The following PEX14 variants were observed in gnomAD, a reference collection of about 807,000 sequenced individuals.
PEX14 encodes peroxisomal biogenesis factor 14, also known as peroxisomal membrane protein PEX14.
PEX14 carries 15 observed loss-of-function variants against 49.5 expected under a neutral mutation model. That is an observed-to-expected ratio of 0.30 (90% CI 0.20 to 0.47). PEX14 has a LOEUF of 0.47. Ranked by LOEUF, PEX14 falls within the 20% of genes least tolerant of loss-of-function variation. The pLI is 1.00. For synonymous variants in PEX14, 210 were observed against 212.7 expected (o/e 0.99, Z 0.11); for missense variants, 398 against 494.8 (o/e 0.80, Z 1.86).
chr1:10,592,239 C>G (rs1640689033), intron 3 of PEX14, among the ~76,000 whole-genome samples: 1 of 152,150 alleles, frequency 6.6e-6, no homozygotes, highest in African/African-American at 2.4e-5. Context: ...AGTTTCTTCC[C>G]TAGGACTTAC....
intron 1 of PEX14, among the ~76,000 whole-genome samples, chr1:10,493,240 G>C (rs898798690): frequency 6.6e-6 from 1 of 152,088 alleles, no homozygotes; most frequent in Non-Finnish European, 1.5e-5. Flanking sequence ...GGGTGAGTGG[G>C]TGGACAAGGG....
intron 2 of PEX14, among the ~76,000 whole-genome samples, chr1:10,499,632 G>A (rs749148955): frequency 3.5e-4 from 53 of 151,586 alleles, no homozygotes; most frequent in Non-Finnish European, 4.1e-4. Context: ...TATTTTTAGT[G>A]GAGACAGGGT....
At chr1:10,618,455 G>A (rs1244985058) in intron 5 of PEX14, 38 bp downstream of exon 5, 1 of 1,482,932 alleles carries the variant, frequency 6.7e-7, no homozygotes, top group Non-Finnish European at 9.4e-7. Context: ...CTGTGCCCCT[G>A]CCACCCTGTG....
chr1:10,596,013 A>G (rs1214929446), intron 3 of PEX14, among the ~76,000 whole-genome samples: 2 of 152,208 alleles, frequency 1.3e-5, no homozygotes, highest in African/African-American at 4.8e-5. Context: ...CAGTAGTGGG[A>G]AAGATGGGGC....
At chr1:10,538,925 G>A (rs528345405) in intron 3 of PEX14, among the ~76,000 whole-genome samples, 118 of 152,320 alleles carry the variant, frequency 7.7e-4, no homozygotes, top group Admixed American at 2.0e-3. Context: ...AATTGCAGTG[G>A]AGCACTGACT....
At chr1:10,604,938 T>C (rs906168663) in intron 4 of PEX14, among the ~76,000 whole-genome samples, 11 of 152,188 alleles carry the variant, frequency 7.2e-5, no homozygotes, top group Non-Finnish European at 2.9e-5. Flanking sequence ...CCCTGTGTGC[T>C]CACTGTTGTT....
intron 2 of PEX14, among the ~76,000 whole-genome samples, chr1:10,528,786 C>T (rs1288331561): frequency 6.6e-6 from 1 of 152,156 alleles, no homozygotes; most frequent in Non-Finnish European, 1.5e-5. Flanking sequence ...GATCGAGCAC[C>T]CAGCTCTTGC....
Position 10,512,352 on chromosome 1 carries a change from T to G in PEX14, c.84+17031T>G, listed in dbSNP as rs1641899300. 6.6e-6 allele frequency among the ~76,000 whole-genome samples: 1 copy of G among 152,180 alleles called. No individual in the cohort carries two copies. The highest frequency in any genetic ancestry group is 1.9e-4 in the East Asian group (1 of 5,198). On this transcript the variant is annotated intron_variant, in intron 2 of 8. Transcript: ENST00000356607. This position sits in a 1 kb window ranked among gnomAD's most constrained non-coding sequence, Gnocchi z 4.6. ...CACTGTGGCACTTGACTAAGTCACC[T>G]GATTGATGACATGAGCATTGCTGGG...
At chr1:10,583,360 C>T (rs1640383106) in intron 3 of PEX14, among the ~76,000 whole-genome samples, 1 of 145,266 alleles carries the variant, frequency 6.9e-6, no homozygotes, top group Non-Finnish European at 1.5e-5. Context: ...GCTGAGACTA[C>T]AAATATACAC....
intron 2 of PEX14, among the ~76,000 whole-genome samples, chr1:10,498,209 G>GT (rs1237669106): frequency 6.6e-6 from 1 of 152,188 alleles, no homozygotes; most frequent in Non-Finnish European, 1.5e-5. Flanking sequence ...GAGCTCAGGA[G>GT]TTTGAGGCTG....
At position 10,507,688 on chromosome 1, in the gene PEX14, T is replaced by G. The variant is rs539464331; in HGVS notation, c.84+12367T>G. Among the ~76,000 whole-genome samples, 575 of 152,358 alleles carry G rather than the reference T, an allele frequency of 3.8e-3. 2 individuals are homozygous for G. Among genetic ancestry groups the G allele is most frequent in the Non-Finnish European group, 6.5e-3 (440 of 68,040 alleles). On this transcript the variant is annotated intron_variant, in intron 2 of 8. Transcript: ENST00000356607. ...GGTTGGACAATTGAGCAATTTGCTC[T>G]GGACTCCAGCTCTTAAAGTGGTGCC...
In PEX14 at chr1:10,628,084, C is replaced by T. The variant is rs560038848; in HGVS notation, c.677+721C>T. On this transcript the variant is annotated intron_variant, in intron 8 of 8. Coordinates refer to ENST00000356607, the MANE Select transcript of PEX14 (RefSeq NM_004565.3). The surrounding 1 kb of genome is among the most constrained non-coding windows in gnomAD (Gnocchi z 4.5). ...CCGAGTAGCTGGGATTACAGGCGCC[C>T]GCCACCACTCCCGGCTAATTTTTGT... Among the ~76,000 whole-genome samples the T allele has an allele frequency of 4.6e-5, 7 of 152,210 alleles. No individual in the cohort carries two copies. The highest frequency in any genetic ancestry group is 2.1e-4 in the South Asian group (1 of 4,820).
intron 3 of PEX14, among the ~76,000 whole-genome samples, chr1:10,596,936 G>C (rs1301523877): frequency 6.6e-6 from 1 of 152,196 alleles, no homozygotes; most frequent in Non-Finnish European, 1.5e-5. Context: ...TTCAACTGTG[G>C]CCTCACTAGT....
chr1:10,488,619 C>G (rs1641414382), intron 1 of PEX14, among the ~76,000 whole-genome samples: 1 of 151,980 alleles, frequency 6.6e-6, no homozygotes, highest in Non-Finnish European at 1.5e-5. Flanking sequence ...CCTGCCTCAG[C>G]CTCCTGAGTA....
At chr1:10,622,504 CA>C (rs1641624042) in intron 5 of PEX14, among the ~76,000 whole-genome samples, 1 of 152,184 alleles carries the variant, frequency 6.6e-6, no homozygotes, top group Admixed American at 6.5e-5. Flanking sequence ...TTAGTTTCTC[CA>C]GCGATGTTTT....
At chr1:10,513,645 G>T (rs183542262) in intron 2 of PEX14, among the ~76,000 whole-genome samples, 7 of 152,308 alleles carry the variant, frequency 4.6e-5, no homozygotes, top group Admixed American at 3.9e-4. Context: ...AGTGCTCATG[G>T]CCTGCTCATT....
intron 3 of PEX14, among the ~76,000 whole-genome samples, chr1:10,557,981 A>G (rs1399221464): frequency 1.3e-5 from 2 of 152,014 alleles, no homozygotes. Flanking sequence ...TTCTTTCCCC[A>G]CTGATTTGAC....
chr1:10,497,647 TAGAAGAGAGCC>T (rs1264762182), intron 2 of PEX14, among the ~76,000 whole-genome samples: 2 of 152,126 alleles, frequency 1.3e-5, no homozygotes, highest in Non-Finnish European at 2.9e-5. Flanking sequence ...TGGTTGGGCG[TAGAAGAGAGCC>T]CCAAGTTATT....
intron 2 of PEX14, among the ~76,000 whole-genome samples, chr1:10,497,569 A>C (rs1641592319): frequency 6.6e-6 from 1 of 152,158 alleles, no homozygotes; most frequent in East Asian, 1.9e-4. Context: ...ATAAGAGCAA[A>C]CTGCACACGA....
Sources: gnomAD v4.1 joint callset for allele counts (sites outside exome capture counted in the v4.1 genomes callset) on GRCh38, gnomAD v4.1.1 for gene constraint, Gnocchi (gnomAD v3.1) non-coding constraint, MANE v1.5 for transcripts, NCBI Gene and HGNC (gene_info 2026-07-23, HGNC 2026-07-21) for gene names.